Variants in PSMD12 observed in about 807,000 individuals in gnomAD.
The protein encoded by PSMD12 is proteasome 26S subunit, non-ATPase 12.
PSMD12 carries 8 observed loss-of-function variants against 62.9 expected under a neutral mutation model. The ratio of observed to expected loss-of-function variants is 0.13; its 90% CI spans 0.07 to 0.23. The LOEUF (loss-of-function observed/expected upper bound fraction) is 0.23. Among genes scored for constraint, PSMD12 ranks in the 10% least tolerant of loss-of-function variants. PSMD12 has a pLI of 1.00. For synonymous variants in PSMD12, 173 were observed against 187.4 expected, an observed-to-expected ratio of 0.92 and a Z score of 0.63; for missense variants, 424 against 550.2, an observed-to-expected ratio of 0.77 and a Z score of 2.29.
chr17:67,366,476 T>C lies in PSMD12; in HGVS notation c.44A>G (p.Lys15Arg). 6.2e-7 allele frequency: 1 copy of C among 1,611,478 alleles called. No homozygotes were observed. The change falls in exon 1 of 11, where the codon AAG becomes AGG. Residue 15 changes from lysine (K) to arginine (R), a missense_variant. Transcript: ENST00000356126. Reference protein sequence around the residue: ...GSERADGRIVKMEVDYSATVD... With the variant: ...GSERADGRIVRMEVDYSATVD... ...CGTGGCGCTGTAGTCCACCTCCATC[T>C]TGACGATGCGCCCGTCAGCCCGCTC...
chr17:67,360,052 C>T (rs141535854), intron 1 of PSMD12, among the ~76,000 whole-genome samples: 6 of 152,304 alleles, frequency 3.9e-5, no homozygotes, highest in Admixed American at 3.9e-4. Context: ...GCCTCAAGCT[C>T]CAAAGCTCTC....
At chr17:67,345,411 GTGGGCGGATCACCT>G (rs1400774672) in intron 8 of PSMD12, among the ~76,000 whole-genome samples, 2 of 152,176 alleles carry the variant, frequency 1.3e-5, no homozygotes, top group African/African-American at 4.8e-5. Context: ...GGTGGCCGAG[GTGGGCGGATCACCT>G]GGGGTCAGGA....
chr17:67,356,625 G>C (rs1029641677), intron 3 of PSMD12, among the ~76,000 whole-genome samples: 3 of 125,884 alleles, frequency 2.4e-5, no homozygotes, highest in Non-Finnish European at 5.2e-5. Flanking sequence ...AAAAAATTTT[G>C]AAACAGCATA....
chr17:67,356,731 C>T (rs960364514), intron 3 of PSMD12, among the ~76,000 whole-genome samples: 1 of 151,856 alleles, frequency 6.6e-6, no homozygotes, highest in Non-Finnish European at 1.5e-5. Context: ...AAAAGTGGGG[C>T]TAGGCACAGG....
intron 8 of PSMD12, 120 bp downstream of exon 8, chr17:67,345,625 A>C: frequency 1.3e-6 from 1 of 779,286 alleles, no homozygotes; most frequent in Non-Finnish European, 2.1e-6. Context: ...GTGGGCAACA[A>C]TAGTAAAACT....
intron 1 of PSMD12, 98 bp downstream of exon 1, chr17:67,366,314 G>A (rs1255377074): frequency 3.4e-6 from 4 of 1,171,838 alleles, no homozygotes; most frequent in East Asian, 2.6e-5. Flanking sequence ...GCATTGGGGG[G>A]TGCACGCTCC....
intron 3 of PSMD12, 87 bp downstream of exon 3, chr17:67,357,216 A>C: frequency 6.9e-7 from 1 of 1,439,976 alleles, no homozygotes; most frequent in Non-Finnish European, 9.3e-7. Context: ...GACTTAACAC[A>C]TTTTAAACAG....
rs946600110 is a variant in PSMD12 at position 67,357,421 on chromosome 17, A to G, written c.179T>C (p.Met60Thr). 4.3e-6 allele frequency: 7 copies of G among 1,613,370 alleles called. No individual in the cohort carries two copies. The highest frequency in any genetic ancestry group is 2.2e-5 in the East Asian group (1 of 44,866). The change falls in exon 3 of 11, where the codon ATG becomes ACG. Residue 60 changes from methionine (M) to threonine (T), a missense_variant. Physicochemically the swap from Met to Thr is moderately conservative, Grantham distance 81. Coordinates refer to ENST00000356126, the MANE Select transcript of PSMD12 (RefSeq NM_002816.5). ...LEKQTRTASD[M>T]VSTSRILVAV... ...AACTAAGATACGGGATGTCGATACC[A>G]TATCGGAAGCCTGTAAGGGTAAAAA...
Position 67,366,486 on chromosome 17 carries a change from G to C in PSMD12, c.34C>G (p.Arg12Gly), listed in dbSNP as rs1317887435. The change falls in exon 1 of 11, where the codon CGC becomes GGC. Residue 12 changes from arginine to glycine, a missense_variant. Arg to Gly is a moderately radical substitution (Grantham distance 125, BLOSUM62 -2). Transcript: ENST00000356126. The stretch of plus-strand genomic sequence containing the variant: ...TAGTCCACCTCCATCTTGACGATGC[G>C]CCCGTCAGCCCGCTCCGAGCCGCCG... ...ADGGSERADG[R>G]IVKMEVDYSA... 1 of 1,609,548 alleles carries C rather than the reference G, an allele frequency of 6.2e-7. No homozygotes were observed. The highest frequency in any genetic ancestry group is 1.1e-5 in the South Asian group (1 of 90,990).
intron 1 of PSMD12, among the ~76,000 whole-genome samples, chr17:67,363,534 T>A (rs2042153228): frequency 6.6e-6 from 1 of 152,210 alleles, no homozygotes; most frequent in South Asian, 2.1e-4. Flanking sequence ...CTATTCTTTT[T>A]ACCAGGAGAT....
intron 3 of PSMD12, among the ~76,000 whole-genome samples, chr17:67,352,816 T>G (rs532559327): frequency 1.3e-5 from 2 of 152,220 alleles, no homozygotes; most frequent in Non-Finnish European, 2.9e-5. Flanking sequence ...AGTCACTCAG[T>G]AGCCATCTCA....
At chr17:67,348,824 C>T (rs564531583) in intron 4 of PSMD12, among the ~76,000 whole-genome samples, 170 bp from the exon 5 acceptor site, 14 of 152,084 alleles carry the variant, frequency 9.2e-5, no homozygotes, top group African/African-American at 3.1e-4. Flanking sequence ...ATGTTGAGCC[C>T]GTCTCTACTA....
intron 3 of PSMD12, among the ~76,000 whole-genome samples, chr17:67,353,259 G>C (rs553547227): frequency 6.6e-6 from 1 of 152,054 alleles, no homozygotes; most frequent in Non-Finnish European, 1.5e-5. Context: ...TTCATATTAA[G>C]CAATTTAGAA....
chr17:67,343,713 G>GT (rs202190829), intron 9 of PSMD12, among the ~76,000 whole-genome samples: 13 of 151,778 alleles, frequency 8.6e-5, no homozygotes, highest in South Asian at 2.1e-4. Flanking sequence ...GGTAATGTCT[G>GT]TTTTTTTTGA....
In PSMD12 at chr17:67,347,498, T is replaced by A. The variant is rs1244813805; in HGVS notation, c.511-13A>T. On this transcript the variant is annotated splice_polypyrimidine_tract_variant and intron_variant, in intron 5 of 10. Transcript: ENST00000356126. ...CGTAGGTTTCCACCTAGCACAGTAA[T>A]TCCCCAAATAAGTTTATAATACTTT... 6.3e-7 allele frequency: 1 copy of A among 1,598,940 alleles called. No individual in the cohort carries two copies.
chr17:67,359,839 A>C (rs1311914241), intron 1 of PSMD12, among the ~76,000 whole-genome samples: 1 of 152,204 alleles, frequency 6.6e-6, no homozygotes, highest in Non-Finnish European at 1.5e-5. Flanking sequence ...AGAGGAAAAA[A>C]ACAATGAACA....
chr17:67,366,429 A>G lies in PSMD12; in HGVS notation c.91T>C (p.Cys31Arg). ...CTCCTCACCTTGGCTAGCTTCGCAC[A>G]CTCGGGTAGGCGCTGATCCACCGTG... ...SATVDQRLPE[C>R]AKLAKEGRLQ... The change falls in exon 1 of 11, where the codon TGT (cysteine) becomes CGT (arginine). Residue 31 changes from cysteine to arginine, a missense_variant. Cys to Arg is a radical substitution (Grantham distance 180). Transcript: ENST00000356126. The G allele has an allele frequency of 6.2e-7, 1 of 1,611,866 alleles. No individual in the cohort carries two copies. Among genetic ancestry groups the G allele is most frequent in the Non-Finnish European group, 8.5e-7 (1 of 1,178,912 alleles).
chr17:67,365,013 C>A (rs1337434842), intron 1 of PSMD12, among the ~76,000 whole-genome samples: 1 of 152,084 alleles, frequency 6.6e-6, no homozygotes, highest in Non-Finnish European at 1.5e-5. Context: ...CGTAGTGAAA[C>A]CCCGTCTCTA....
intron 10 of PSMD12, among the ~76,000 whole-genome samples, chr17:67,341,750 T>C (rs1257857332): frequency 6.6e-6 from 1 of 152,200 alleles, no homozygotes; most frequent in African/African-American, 2.4e-5. Flanking sequence ...ACTTGGCAAG[T>C]ATGTACCACG....
Sources: allele counts gnomAD v4.1 joint callset (sites outside exome capture counted in the v4.1 genomes callset), GRCh38; gene constraint gnomAD v4.1.1; transcripts MANE v1.5; gene names NCBI Gene and HGNC (gene_info 2026-07-23, HGNC 2026-07-21).